The following CHD1L variants were observed in gnomAD, a reference collection of about 807,000 sequenced individuals.
The protein encoded by CHD1L is chromodomain helicase DNA binding protein 1 like, also known as ATP-dependent chromatin remodeler CHD1L.
CHD1L carries 118 observed loss-of-function variants against 115.9 expected under a neutral mutation model. The ratio of observed to expected loss-of-function variants is 1.02; its 90% CI spans 0.88 to 1.19. The LOEUF is 1.19. Among genes scored for constraint, CHD1L ranks in the 50% most tolerant of loss-of-function variants. The probability of loss-of-function intolerance (pLI) is 0.00; values close to 1 mark genes in which losing one functional copy is unlikely to be tolerated. For synonymous variants in CHD1L, 411 were observed against 387.1 expected (o/e 1.06, Z -0.72); for missense variants, 1,179 against 1,065.3 (o/e 1.11, Z -1.49).
chr1:147,178,258 C>A, the CHD1L span: 3 of 1,613,532 alleles, frequency 1.9e-6, no homozygotes, highest in Admixed American at 1.7e-5. Context: ...GGGCCTCATG[C>A]TCGTCGAGTT....
intron 1 of CHD1L, among the ~76,000 whole-genome samples, chr1:147,247,420 A>G (rs1666967253): frequency 6.6e-6 from 1 of 152,088 alleles, no homozygotes; most frequent in African/African-American, 2.4e-5. Context: ...GCTTCCAGAA[A>G]GCTGGTTGTT....
chr1:147,272,176 A>G lies in CHD1L; in HGVS notation c.1165A>G (p.Ser389Gly). Reference sequence around the variant, plus strand: ...TTTTCTTCCTCTCTGTAAAGGCTACAGCTATGAGCGTGTGGATGGTTCTGT... The same window carrying G: ...TTTTCTTCCTCTCTGTAAAGGCTACGGCTATGAGCGTGTGGATGGTTCTGT... ...LQDYMDYRGY[S>G]YERVDGSVRG... Residue 389 changes from serine to glycine, a missense_variant, in exon 12 of 23, where the codon AGC becomes GGC. Ser to Gly is a moderately conservative substitution (Grantham distance 56). Transcript: ENST00000369258. The G allele has an allele frequency of 6.2e-7, 1 of 1,612,978 alleles. No homozygotes were observed. The highest frequency in any genetic ancestry group is 8.5e-7 in the Non-Finnish European group (1 of 1,179,098).
At chr1:147,202,447 G>A in the CHD1L span, among the ~76,000 whole-genome samples, 1 of 150,842 alleles carries the variant, frequency 6.6e-6, no homozygotes, top group South Asian at 2.1e-4. Flanking sequence ...AGCCTCCCGA[G>A]TAGCTTGGAC....
chr1:147,193,983 G>A, the CHD1L span, among the ~76,000 whole-genome samples: 5,643 of 152,164 alleles, frequency 0.037, 156 homozygotes, highest in South Asian at 0.098. Flanking sequence ...TGTATATTCC[G>A]TTGATTTGGG....
the CHD1L span, among the ~76,000 whole-genome samples, chr1:147,229,168 T>C: frequency 6.6e-6 from 1 of 152,140 alleles, no homozygotes; most frequent in Non-Finnish European, 1.5e-5. Context: ...CTTTAATCCA[T>C]CTTGAATTAA....
intron 22 of CHD1L, among the ~76,000 whole-genome samples, chr1:147,295,034 T>C (rs372417740): frequency 1.4e-5 from 2 of 140,152 alleles, no homozygotes; most frequent in African/African-American, 5.4e-5. Flanking sequence ...CTCCTTGCTC[T>C]ATAAGTTAGC....
At chr1:147,208,848 A>G in the CHD1L span, 2 of 1,613,292 alleles carry the variant, frequency 1.2e-6, no homozygotes, top group Non-Finnish European at 8.5e-7. Context: ...TCCTGGGAAC[A>G]TACCTGTGTT....
chr1:147,184,381 T>C, the CHD1L span: 8 of 1,161,142 alleles, frequency 6.9e-6, no homozygotes, highest in African/African-American at 6.3e-5. This position sits in a 1 kb window ranked among gnomAD's most constrained non-coding sequence, Gnocchi z 4.4. Context: ...TAAACCAATA[T>C]TGATACATTA....
chr1:147,199,697 A>C, the CHD1L span, among the ~76,000 whole-genome samples: 23 of 152,332 alleles, frequency 1.5e-4, no homozygotes, highest in Admixed American at 5.2e-4. Flanking sequence ...GAATTAGGCC[A>C]ACTTAATGGG....
At position 147,275,435 on chromosome 1, in the gene CHD1L, C is replaced by G. The variant is rs782073787; in HGVS notation, c.1352C>G (p.Ala451Gly). ...TTTAATCCTCAGAATGACTTGCAAGCAGCTGCCAGGGCTCATCGCATTGGC... is the reference window on the plus strand; with the variant it reads ...TTTAATCCTCAGAATGACTTGCAAGGAGCTGCCAGGGCTCATCGCATTGGC... ...SDFNPQNDLQ[A>G]AARAHRIGQN... Residue 451 changes from alanine (A) to glycine (G), a missense_variant, in exon 13 of 23, where the codon GCA becomes GGA. Coordinates refer to ENST00000369258, the MANE Select transcript of CHD1L (RefSeq NM_004284.6). 1 of 1,614,100 alleles carries G rather than the reference C, an allele frequency of 6.2e-7. No homozygotes were observed.
chr1:147,254,873 A>C lies in CHD1L; in HGVS notation c.244A>C (p.Ile82Leu). The C allele has an allele frequency of 6.3e-7, 1 of 1,599,444 alleles. No homozygotes were observed. Among genetic ancestry groups the C allele is most frequent in the South Asian group, 1.1e-5 (1 of 87,740 alleles). Reference sequence around the variant, plus strand: ...CCTTTCTTTTTCTGTGTTCCAGACTATTGCTCTCTTCATTTATTTGGCAGG... The same window carrying C: ...CCTTTCTTTTTCTGTGTTCCAGACTCTTGCTCTCTTCATTTATTTGGCAGG... The part of the protein sequence containing the change: ...EMGLGKTCQT[I>L]ALFIYLAGRL... The change falls in exon 3 of 23, where the codon ATT becomes CTT. Residue 82 changes from isoleucine (I) to leucine (L), a missense_variant. Transcript: ENST00000369258.
the CHD1L span, chr1:147,190,170 T>A: frequency 6.3e-7 from 1 of 1,581,836 alleles, no homozygotes; most frequent in Non-Finnish European, 8.7e-7. Context: ...CTGGGAGAGT[T>A]TCTTACCTTT....
At chr1:147,186,958 G>T in the CHD1L span, 9 of 1,614,160 alleles carry the variant, frequency 5.6e-6, no homozygotes, top group Non-Finnish European at 5.1e-6. Flanking sequence ...CTTGCCTATT[G>T]TCATTGTTGA....
chr1:147,177,596 T>G, the CHD1L span, among the ~76,000 whole-genome samples: 2 of 152,168 alleles, frequency 1.3e-5, no homozygotes, highest in Non-Finnish European at 2.9e-5. Flanking sequence ...CATGTAACCT[T>G]GATATGATAT....
At chr1:147,203,833 C>T in the CHD1L span, 5 of 1,565,792 alleles carry the variant, frequency 3.2e-6, no homozygotes, top group East Asian at 4.5e-5. Context: ...TGCCATCTTC[C>T]TTTTCATGCT....
the CHD1L span, among the ~76,000 whole-genome samples, chr1:147,193,545 C>G: frequency 2.6e-5 from 4 of 152,192 alleles, no homozygotes; most frequent in African/African-American, 7.2e-5. Context: ...TTGCCTTCTT[C>G]TAGCTTTTGA....
chr1:147,264,405 T>C lies in CHD1L; in HGVS notation c.577-17T>C. 1 of 1,554,286 alleles carries C rather than the reference T, an allele frequency of 6.4e-7. No individual in the cohort carries two copies. The highest frequency in any genetic ancestry group is 1.2e-5 in the South Asian group (1 of 83,150). The stretch of plus-strand genomic sequence containing the variant: ...CAGTGTTATGGAATTTTTATTTTAT[T>C]TATTTATGTATTTGAGTTCTCAGTA... On this transcript the variant is annotated splice_polypyrimidine_tract_variant and intron_variant, in intron 6 of 22. Coordinates refer to ENST00000369258, the MANE Select transcript of CHD1L (RefSeq NM_004284.6).
At chr1:147,257,625 A>G (rs775326364) in intron 5 of CHD1L, among the ~76,000 whole-genome samples, 2 of 152,176 alleles carry the variant, frequency 1.3e-5, no homozygotes, top group Non-Finnish European at 2.9e-5. Flanking sequence ...ATATATGGGA[A>G]GTCTCAAAAG....
chr1:147,263,065 ATG>A (rs1402757406), intron 6 of CHD1L, among the ~76,000 whole-genome samples: 5 of 152,120 alleles, frequency 3.3e-5, no homozygotes, highest in African/African-American at 1.2e-4. Flanking sequence ...GTATATACAT[ATG>A]TATGTATGTG....
Sources: gnomAD v4.1 joint callset for allele counts (sites outside exome capture counted in the v4.1 genomes callset) on GRCh38, gnomAD v4.1.1 for gene constraint, Gnocchi (gnomAD v3.1) non-coding constraint, MANE v1.5 for transcripts, NCBI Gene and HGNC (gene_info 2026-07-23, HGNC 2026-07-21) for gene names.